KAZN: variants seen among roughly 807,000 people sequenced by gnomAD.
KAZN encodes kazrin.
In KAZN, 40 loss-of-function variants were observed where a neutral mutation model predicts 87.4. The ratio of observed to expected loss-of-function variants is 0.46; its 90% confidence interval spans 0.36 to 0.60. The LOEUF is 0.60. Among genes scored for constraint, KAZN ranks in the 20% least tolerant of loss-of-function variants. The pLI is 0.00. For synonymous variants in KAZN, 466 were observed against 458.3 expected (o/e 1.02, Z -0.22); for missense variants, 898 against 1,073.9 (o/e 0.84, Z 2.29).
Position 14,070,118 on chromosome 1 carries a change from G to A in KAZN, c.92-110317G>A, listed in dbSNP as rs1201653950. On this transcript the variant is annotated intron_variant, in intron 1 of 16. Transcript: ENST00000636203. ...TGAGAAACGGAGGTTGCAGTGAGCC[G>A]AGATCGCACCACTGCATTCCAGCTT... Among the ~76,000 whole-genome samples, 4 of 136,068 alleles carry A rather than the reference G, an allele frequency of 2.9e-5. No homozygotes were observed. The East Asian group carries it at 7.3e-4, about 25-fold the overall frequency. The allele number at this position is 136,068 out of a possible 152,430, so 89.3% of individuals were successfully genotyped here. A position where few individuals can be genotyped will look rare whatever the true frequency, so the allele number is the denominator to read the frequency against.
chr1:14,987,465 G>A (rs1666938817), intron 2 of KAZN, among the ~76,000 whole-genome samples: 1 of 152,132 alleles, frequency 6.6e-6, no homozygotes, highest in African/African-American at 2.4e-5. Flanking sequence ...CTGCACTCCA[G>A]CCTAGGTGAC....
At chr1:14,456,884 A>G (rs1667594505) in intron 2 of KAZN, among the ~76,000 whole-genome samples, 1 of 152,270 alleles carries the variant, frequency 6.6e-6, no homozygotes, top group South Asian at 2.1e-4. Context: ...GTTCGAGACC[A>G]GTCTGGTCAA....
intron 2 of KAZN, among the ~76,000 whole-genome samples, chr1:14,197,564 T>C (rs908619541): frequency 1.1e-4 from 16 of 152,060 alleles, no homozygotes; most frequent in Non-Finnish European, 2.1e-4. Context: ...GGCACGTGCC[T>C]GTAATCCCAG....
At chr1:14,028,079 G>A (rs1641157670) in intron 1 of KAZN, among the ~76,000 whole-genome samples, 1 of 152,196 alleles carries the variant, frequency 6.6e-6, no homozygotes, top group South Asian at 2.1e-4. Flanking sequence ...CTTAGTGTGA[G>A]CCTTGCTAAT....
upstream of KAZN, among the ~76,000 whole-genome samples, chr1:14,596,718 C>T (rs564686919): frequency 3.9e-5 from 6 of 152,272 alleles, no homozygotes; most frequent in Admixed American, 6.5e-5. Context: ...CCTTCTATGT[C>T]GGGCTTCTTT....
chr1:14,405,158 A>G (rs962302183), intron 2 of KAZN, among the ~76,000 whole-genome samples: 1 of 152,200 alleles, frequency 6.6e-6, no homozygotes, highest in Non-Finnish European at 1.5e-5. Flanking sequence ...GAGCAGACCA[A>G]GGCTATGTGT....
At position 14,599,039 on chromosome 1, in the gene KAZN, G is replaced by A. The variant is rs771787752; in HGVS notation, c.42G>A (p.Gly14=). The change falls in exon 1 of 15, where the codon GGG becomes GGA. Residue 14 remains glycine, a synonymous_variant. Transcript: ENST00000376030. This position sits in a 1 kb window ranked among gnomAD's most constrained non-coding sequence, Gnocchi z 4.4. ...DNKQLALRID[G]AVQSASQEVT... is the part of the protein sequence containing the mutation. ...AGCAGCTCGCGCTCCGCATCGATGG[G>A]GCGGTCCAGTCGGCCAGCCAGGAGG... 1 of 1,569,460 alleles carries A rather than the reference G, an allele frequency of 6.4e-7. No homozygotes were observed. The highest frequency in any genetic ancestry group is 2.6e-5 in the East Asian group (1 of 38,738).
chr1:14,350,738 A>G (rs557682844), intron 2 of KAZN: 2 of 152,542 alleles, frequency 1.3e-5, no homozygotes, highest in Non-Finnish European at 2.9e-5. Context: ...ACCACCCAGC[A>G]GCAGTGCTGA....
intron 10 of KAZN, among the ~76,000 whole-genome samples, chr1:15,097,286 A>G (rs1019420095): frequency 6.6e-6 from 1 of 152,082 alleles, no homozygotes; most frequent in Non-Finnish European, 1.5e-5. Flanking sequence ...ACCCACTTTC[A>G]GGGCTCCATG....
intron 2 of KAZN, 31 bp downstream of exon 2, chr1:14,960,906 C>T: frequency 6.3e-7 from 1 of 1,582,046 alleles, no homozygotes; most frequent in African/African-American, 1.3e-5. Flanking sequence ...AGTTCCTTCG[C>T]TGGGAGCTCA....
At position 14,676,132 on chromosome 1, in the gene KAZN, G is replaced by A. The variant is rs187511017; in HGVS notation, c.226+76909G>A. Among the ~76,000 whole-genome samples the A allele has an allele frequency of 1.4e-4, 21 of 152,150 alleles. No individual in the cohort carries two copies. In the East Asian group the frequency reaches 1.9e-3, roughly 14 times the overall value. On this transcript the variant is annotated intron_variant, in intron 1 of 14. Coordinates refer to ENST00000376030, the MANE Select transcript of KAZN (RefSeq NM_201628.3). ...TTTGGTTGTTCCTGGTTTTTTTTCCGGTTTGAAAGAGCTGTTTTCCCTCCT... is the reference window on the plus strand; with the variant it reads ...TTTGGTTGTTCCTGGTTTTTTTTCCAGTTTGAAAGAGCTGTTTTCCCTCCT...
At chr1:14,830,622 G>T (rs1322468843) in intron 1 of KAZN, among the ~76,000 whole-genome samples, 1 of 152,170 alleles carries the variant, frequency 6.6e-6, no homozygotes, top group Non-Finnish European at 1.5e-5. Context: ...GAAGGCGAAT[G>T]GGAAGCCAGT....
chr1:14,016,038 C>T (rs550019003), intron 1 of KAZN, among the ~76,000 whole-genome samples: 1 of 152,078 alleles, frequency 6.6e-6, no homozygotes, highest in Non-Finnish European at 1.5e-5. Flanking sequence ...ACGGAAAGCT[C>T]TATGTCTCTT....
chr1:14,500,408 T>C (rs76718507), intron 2 of KAZN, among the ~76,000 whole-genome samples: 7,554 of 152,182 alleles, frequency 0.05, 317 homozygotes, highest in East Asian at 0.17. Flanking sequence ...CTAGATAATT[T>C]CTCAAAACTT....
chr1:14,513,841 T>C (rs913762228), intron 2 of KAZN, among the ~76,000 whole-genome samples: 1 of 152,100 alleles, frequency 6.6e-6, no homozygotes, highest in African/African-American at 2.4e-5. Context: ...AAATGAGTTT[T>C]TCCGCATTAA....
intron 1 of KAZN, among the ~76,000 whole-genome samples, chr1:14,727,505 G>GTTTTTTTTTT: frequency 1.2e-5 from 1 of 80,356 alleles, no homozygotes; most frequent in Non-Finnish European, 2.3e-5. Context: ...TTGAGAAAGA[G>GTTTTTTTTTT]TTTTGCTCTT....
Position 14,030,635 on chromosome 1 carries a change from T to TACACACACAC in KAZN, c.91+136912_91+136921dup, listed in dbSNP as rs60838104. Among the ~76,000 whole-genome samples, 544 of 145,104 alleles carry TACACACACAC rather than the reference T, an allele frequency of 3.7e-3. 4 individuals are homozygous for TACACACACAC. The highest frequency in any genetic ancestry group is 0.013 in the African/African-American group (516 of 38,866). ...AGAAAAAATTGGCAATGTACACAGA[T>TACACACACAC]ACACACACACACACACACACACACA... On this transcript the variant is annotated intron_variant, in intron 1 of 16. Coordinates refer to the KAZN transcript ENST00000636203.
intron 1 of KAZN, among the ~76,000 whole-genome samples, chr1:14,647,021 T>G (rs1374131360): frequency 6.6e-6 from 1 of 152,138 alleles, no homozygotes; most frequent in African/African-American, 2.4e-5. Context: ...TACCCCATAC[T>G]CATGACTTGG....
intron 2 of KAZN, among the ~76,000 whole-genome samples, chr1:14,417,544 A>G (rs1451152461): frequency 2.6e-5 from 4 of 152,168 alleles, no homozygotes; most frequent in African/African-American, 9.6e-5. Context: ...CAATCACTGA[A>G]GTGAGACTGG....
Sources: gnomAD v4.1 joint callset for allele counts (sites outside exome capture counted in the v4.1 genomes callset) on GRCh38, gnomAD v4.1.1 for gene constraint, Gnocchi (gnomAD v3.1) non-coding constraint, MANE v1.5 for transcripts, NCBI Gene and HGNC (gene_info 2026-07-23, HGNC 2026-07-21) for gene names.